LPP: variants seen among roughly 807,000 people sequenced by gnomAD.
The protein encoded by LPP is lipoma-preferred partner.
In LPP, 38 loss-of-function variants were observed where a neutral mutation model predicts 60.4. That is an observed-to-expected ratio of 0.63 (90% confidence interval 0.49 to 0.83). LPP has a LOEUF of 0.83. LPP is among the 40% of genes least tolerant of loss of function. The pLI is 0.00. For synonymous variants in LPP, 328 were observed against 290.8 expected, an observed-to-expected ratio of 1.13 and a Z score of -1.30; for missense variants, 902 against 783.6, an observed-to-expected ratio of 1.15 and a Z score of -1.80.
intron 6 of LPP, among the ~76,000 whole-genome samples, chr3:188,597,898 A>G (rs1014482932): frequency 2.0e-5 from 3 of 152,158 alleles, no homozygotes; most frequent in Non-Finnish European, 4.4e-5. Flanking sequence ...TTCTACCCAC[A>G]TGGAGTTTAG....
In LPP at chr3:188,889,112, A is replaced by G. The variant is rs1770988722; in HGVS notation, c.*14633A>G. On this transcript the variant is annotated 3_prime_UTR_variant, in exon 12 of 12. Transcript: ENST00000617246. ...CAGGCTAACATGAGAGAAAATAGAA[A>G]AGTCTTGGCTGTGGGGATTGGAAGC... is the stretch of plus-strand genomic sequence containing the variant. 1 of 226,972 alleles carries G rather than the reference A, an allele frequency of 4.4e-6. No individual in the cohort carries two copies. Among genetic ancestry groups the G allele is most frequent in the Non-Finnish European group, 8.8e-6 (1 of 114,190 alleles). The allele number at this position is 226,972 out of a possible 1,614,324, so 14.1% of individuals were successfully genotyped here.
intron 7 of LPP, among the ~76,000 whole-genome samples, chr3:188,625,229 A>G (rs1267826648): frequency 6.6e-6 from 1 of 152,146 alleles, no homozygotes; most frequent in Non-Finnish European, 1.5e-5. Flanking sequence ...TGAAATAAAT[A>G]TGTTGCCTTT....
At chr3:188,551,281 C>G (rs948394235) in intron 6 of LPP, among the ~76,000 whole-genome samples, 5 of 152,208 alleles carry the variant, frequency 3.3e-5, no homozygotes, top group Admixed American at 6.5e-5. Context: ...ACCATCAGAT[C>G]TCATAAGACT....
At position 188,265,901 on chromosome 3, in the gene LPP, G is replaced by GTGTA. The variant is rs1553843681; in HGVS notation, c.-67+40378_-67+40381dup. On this transcript the variant is annotated intron_variant, in intron 2 of 11. Coordinates refer to ENST00000617246, the MANE Select transcript of LPP (RefSeq NM_001375462.1). ...TGTGTGTGTGTGTGTGTGTGTGTGT[G>GTGTA]TGTATGTGTTTTGCTTTTACTTTAT... 2.6e-4 allele frequency among the ~76,000 whole-genome samples: 40 copies of GTGTA among 151,284 alleles called. No homozygotes were observed. The South Asian group carries it at 3.5e-3, about 13-fold the overall frequency.
At chr3:188,716,429 A>C (rs1714032066) in intron 8 of LPP, among the ~76,000 whole-genome samples, 1 of 152,212 alleles carries the variant, frequency 6.6e-6, no homozygotes, top group South Asian at 2.1e-4. Flanking sequence ...CAAAAAAAAC[A>C]ATGAGGAGGA....
chr3:188,260,346 T>A (rs1733142478), intron 2 of LPP, among the ~76,000 whole-genome samples: 1 of 152,052 alleles, frequency 6.6e-6, no homozygotes, highest in Non-Finnish European at 1.5e-5. Flanking sequence ...CCTGGCCACT[T>A]CCACCTATTA....
At position 188,433,523 on chromosome 3, in the gene LPP, G is replaced by T. The variant is rs184797774; in HGVS notation, c.193+27210G>T. Among the ~76,000 whole-genome samples the T allele has an allele frequency of 2.4e-3, 361 of 151,026 alleles. 2 individuals carry two copies. The highest frequency in any genetic ancestry group is 7.9e-3 in the African/African-American group (324 of 41,208). On this transcript the variant is annotated intron_variant, in intron 4 of 11. Transcript: ENST00000617246. ...ACCCAGCCATCCAGCCAGAGAAGTA[G>T]AAAGAAAAAAATATTCTGATAGTTT...
chr3:188,313,636 CA>C (rs57034070), intron 2 of LPP, among the ~76,000 whole-genome samples: 42,388 of 114,428 alleles, frequency 0.37, 6,333 homozygotes, highest in East Asian at 0.66. Flanking sequence ...GACTCCGTCT[CA>C]AAAAAAAAAA....
intron 8 of LPP, among the ~76,000 whole-genome samples, chr3:188,750,826 A>G (rs1727839669): frequency 6.6e-6 from 1 of 152,100 alleles, no homozygotes; most frequent in Admixed American, 6.5e-5. Flanking sequence ...CAATATGACT[A>G]TTACATGTTA....
At chr3:188,509,778 C>T (rs891416995) in intron 5 of LPP, among the ~76,000 whole-genome samples, 8 of 150,716 alleles carry the variant, frequency 5.3e-5, no homozygotes, top group African/African-American at 1.2e-4. Context: ...CTGCAAACTC[C>T]GCCTCCTGGG....
At chr3:188,402,720 C>G (rs2148825728) in intron 3 of LPP, among the ~76,000 whole-genome samples, 1 of 152,298 alleles carries the variant, frequency 6.6e-6, no homozygotes, top group South Asian at 2.1e-4. Flanking sequence ...AGGCATTGTG[C>G]CGGTATAGTG....
At position 188,484,806 on chromosome 3, in the gene LPP, T is replaced by C. The variant is rs1805855401; in HGVS notation, c.306+102T>C. On this transcript the variant is annotated intron_variant, in intron 5 of 11. Transcript: ENST00000617246. ...ATGAATTTCATGAGTGTTTCTGTGC[T>C]GGATAAACATTTATCCAGAGCCTAT... 10 of 855,316 alleles carry C rather than the reference T, an allele frequency of 1.2e-5. No individual in the cohort carries two copies. In the Admixed American group the frequency reaches 1.9e-4, roughly 17 times the overall value. The allele number at this position is 855,316 out of a possible 1,614,324, so 53.0% of individuals were successfully genotyped here.
intron 9 of LPP, among the ~76,000 whole-genome samples, chr3:188,793,872 AC>A (rs1744564464): frequency 6.6e-6 from 1 of 151,972 alleles, no homozygotes; most frequent in Admixed American, 6.6e-5. Flanking sequence ...AAATGAAGTG[AC>A]TGTCTATGTA....
intron 3 of LPP, among the ~76,000 whole-genome samples, chr3:188,392,382 T>TG (rs1263128788): frequency 6.6e-6 from 1 of 152,144 alleles, no homozygotes; most frequent in Non-Finnish European, 1.5e-5. Context: ...TTACCATGTC[T>TG]GGGGGGAGTT....
intron 1 of LPP, among the ~76,000 whole-genome samples, chr3:188,163,785 T>TAAA (rs756602189): frequency 2.7e-5 from 1 of 37,156 alleles, no homozygotes; most frequent in African/African-American, 1.2e-4. Flanking sequence ...CTACTAAATA[T>TAAA]ACAAAAAAAA....
chr3:188,304,728 G>C (rs1366020158), intron 2 of LPP, among the ~76,000 whole-genome samples: 2 of 152,068 alleles, frequency 1.3e-5, no homozygotes, highest in Non-Finnish European at 2.9e-5. Context: ...CTTTTCCCAT[G>C]TGTTTTGACT....
At chr3:188,687,207 C>T (rs1860952987) in intron 7 of LPP, among the ~76,000 whole-genome samples, 2 of 152,114 alleles carry the variant, frequency 1.3e-5, no homozygotes, top group Non-Finnish European at 2.9e-5. Flanking sequence ...ATGAGCAAAC[C>T]CAGTGATGCC....
chr3:188,727,275 A>T (rs939773883), intron 8 of LPP, among the ~76,000 whole-genome samples: 2 of 152,116 alleles, frequency 1.3e-5, no homozygotes, highest in Non-Finnish European at 2.9e-5. Context: ...ATACATGCAA[A>T]TTACTTACAG....
intron 8 of LPP, among the ~76,000 whole-genome samples, chr3:188,736,975 A>G (rs1722741399): frequency 6.6e-6 from 1 of 152,130 alleles, no homozygotes; most frequent in South Asian, 2.1e-4. Context: ...TTGTGAGGGC[A>G]AATACATTAA....
Sources: gnomAD v4.1 joint callset for allele counts (sites outside exome capture counted in the v4.1 genomes callset) on GRCh38, gnomAD v4.1.1 for gene constraint, MANE v1.5 for transcripts, NCBI Gene and HGNC (gene_info 2026-07-23, HGNC 2026-07-21) for gene names.